The following GRHL2 variants were observed in gnomAD, a reference collection of about 807,000 sequenced individuals.
GRHL2 encodes grainyhead-like protein 2 homolog.
Under a neutral mutation model 83.8 loss-of-function variants are expected in GRHL2, and 21 were observed. The observed-to-expected ratio is 0.25, with a 90% CI of 0.18 to 0.36. The LOEUF (loss-of-function observed/expected upper bound fraction) is 0.36. Ranked by LOEUF, GRHL2 falls within the 10% of genes least tolerant of loss-of-function variation. The pLI, the probability that GRHL2 is intolerant of heterozygous loss-of-function variation, is 1.00. For missense variants in GRHL2, 623 were observed against 781.8 expected (o/e 0.80, Z 2.42); for synonymous variants, 280 against 278.9 (o/e 1.00, Z -0.04).
chr8:101,517,402 C>A (rs879480702), intron 1 of GRHL2, among the ~76,000 whole-genome samples: 1 of 152,170 alleles, frequency 6.6e-6, no homozygotes, highest in Non-Finnish European at 1.5e-5. Context: ...GACCAGTACC[C>A]CCAGGACAAC....
At chr8:101,661,647 C>A (rs1563632317) in intron 14 of GRHL2, among the ~76,000 whole-genome samples, 1 of 152,148 alleles carries the variant, frequency 6.6e-6, no homozygotes. Context: ...CAATCCATGG[C>A]TGATTGAATC....
intron 3 of GRHL2, among the ~76,000 whole-genome samples, chr8:101,554,273 G>A (rs1811446341): frequency 6.6e-6 from 1 of 152,154 alleles, no homozygotes; most frequent in African/African-American, 2.4e-5. Flanking sequence ...GACCTCGCTG[G>A]AAGAAGAGGC....
chr8:101,493,766 C>T (rs1199484227), intron 1 of GRHL2, among the ~76,000 whole-genome samples: 1 of 152,024 alleles, frequency 6.6e-6, no homozygotes, highest in Non-Finnish European at 1.5e-5. Context: ...CGCGTCCTTC[C>T]CGTCCCGGAC....
At chr8:101,497,305 A>T (rs890100502) in intron 1 of GRHL2, among the ~76,000 whole-genome samples, 4 of 152,196 alleles carry the variant, frequency 2.6e-5, no homozygotes, top group Non-Finnish European at 5.9e-5. Context: ...CCACTCCTTA[A>T]CATTAGGCTT....
At chr8:101,674,194 A>G (rs1563639623), downstream of GRHL2, among the ~76,000 whole-genome samples, 2 of 152,202 alleles carry the variant, frequency 1.3e-5, no homozygotes, top group African/African-American at 4.8e-5. Context: ...AGAAGGCAAG[A>G]AATAACTGAA....
intron 7 of GRHL2, among the ~76,000 whole-genome samples, chr8:101,598,241 A>ATT (rs5893574): frequency 0.015 from 2,096 of 137,110 alleles, 41 homozygotes; most frequent in East Asian, 0.045. Context: ...GTCCAAAAAG[A>ATT]TTTTTTTTTT....
intron 13 of GRHL2, among the ~76,000 whole-genome samples, chr8:101,647,662 T>C (rs1177663048): frequency 2.0e-5 from 3 of 152,206 alleles, no homozygotes; most frequent in Admixed American, 6.5e-5. Context: ...TGGAGACACA[T>C]TCTATTTATT....
At chr8:101,534,338 G>T (rs73701921) in intron 1 of GRHL2, among the ~76,000 whole-genome samples, 4,994 of 152,174 alleles carry the variant, frequency 0.033, 247 homozygotes, top group African/African-American at 0.11. Context: ...GTTGTGGGCA[G>T]CCCTCAGTTC....
chr8:101,526,341 T>G (rs1009726063), intron 1 of GRHL2, among the ~76,000 whole-genome samples: 1 of 152,178 alleles, frequency 6.6e-6, no homozygotes, highest in Non-Finnish European at 1.5e-5. Context: ...TTGTGTGTTA[T>G]TCTATAACAT....
intron 8 of GRHL2, among the ~76,000 whole-genome samples, chr8:101,610,122 A>G (rs79375376): frequency 0.019 from 2,899 of 150,930 alleles, 73 homozygotes; most frequent in Non-Finnish European, 0.03. Context: ...AAACTGTTGT[A>G]GTTTGAAGAG....
At position 101,668,962 on chromosome 8, in the gene GRHL2, A is replaced by G. The variant is rs1814142326; in HGVS notation, c.*2259A>G. Reference sequence around the variant, plus strand: ...ATGTTTCCTAAGTCCTTGAGCAATCATGGTGGTGACAATTGCCACAAGGGA... The same window carrying G: ...ATGTTTCCTAAGTCCTTGAGCAATCGTGGTGGTGACAATTGCCACAAGGGA... On this transcript the variant is annotated 3_prime_UTR_variant, in exon 16 of 16. Coordinates refer to ENST00000646743, the MANE Select transcript of GRHL2 (RefSeq NM_024915.4). 6.7e-6 allele frequency: 1 copy of G among 150,216 alleles called. No individual in the cohort carries two copies. Among genetic ancestry groups the G allele is most frequent in the Non-Finnish European group, 1.5e-5 (1 of 66,514 alleles). The allele number at this position is 150,216 out of a possible 1,614,324, so 9.3% of individuals were successfully genotyped here. A position where few individuals can be genotyped will look rare whatever the true frequency, so the allele number is the denominator to read the frequency against.
chr8:101,542,680 A>G (rs1000579923), intron 1 of GRHL2: 1 of 453,148 alleles, frequency 2.2e-6, no homozygotes, highest in Non-Finnish European at 4.4e-6. Context: ...AGAATACCTG[A>G]CCCTGGGTAG....
intron 1 of GRHL2, among the ~76,000 whole-genome samples, chr8:101,494,865 T>TA (rs1810062726): frequency 6.6e-6 from 1 of 152,252 alleles, no homozygotes; most frequent in Non-Finnish European, 1.5e-5. Flanking sequence ...ATGCTTGCAT[T>TA]TAATGAACGT....
intron 4 of GRHL2, among the ~76,000 whole-genome samples, chr8:101,560,699 G>T (rs1178424169): frequency 2.6e-5 from 4 of 152,152 alleles, no homozygotes; most frequent in East Asian, 3.8e-4. Context: ...TCTTTTAGTG[G>T]ATATGTGATG....
At chr8:101,561,984 T>A (rs550123716) in intron 4 of GRHL2, 6 of 727,570 alleles carry the variant, frequency 8.2e-6, no homozygotes, top group Non-Finnish European at 1.5e-5. Flanking sequence ...ATAAAAGAAA[T>A]GGTTACAGAG....
At chr8:101,610,012 C>G (rs1437264455) in intron 8 of GRHL2, among the ~76,000 whole-genome samples, 1 of 150,826 alleles carries the variant, frequency 6.6e-6, no homozygotes. Flanking sequence ...TGCCTGGGAG[C>G]TCGTTATTTC....
intron 7 of GRHL2, among the ~76,000 whole-genome samples, chr8:101,591,788 G>A (rs117574077): frequency 0.027 from 4,156 of 152,290 alleles, 96 homozygotes; most frequent in Non-Finnish European, 0.04. Context: ...GGCTTGGCAT[G>A]AGCTTGTAAG....
chr8:101,524,863 A>G (rs1810771080), intron 1 of GRHL2, among the ~76,000 whole-genome samples: 1 of 151,996 alleles, frequency 6.6e-6, no homozygotes, highest in African/African-American at 2.4e-5. Context: ...TTCATATATT[A>G]TAATTGCTGA....
chr8:101,614,961 C>T (rs1475499380), intron 8 of GRHL2, among the ~76,000 whole-genome samples: 1 of 152,160 alleles, frequency 6.6e-6, no homozygotes, highest in Non-Finnish European at 1.5e-5. Flanking sequence ...TTATAAATTC[C>T]TTCCCTTATA....
Sources: allele counts gnomAD v4.1 joint callset (sites outside exome capture counted in the v4.1 genomes callset), GRCh38; gene constraint gnomAD v4.1.1; transcripts MANE v1.5; gene names NCBI Gene and HGNC (gene_info 2026-07-23, HGNC 2026-07-21).